The following MLEC variants were observed in gnomAD, a reference collection of about 807,000 sequenced individuals.
MLEC encodes the protein oligosaccharyltransferase complex subunit (non-catalytic).
MLEC carries 7 observed loss-of-function variants against 28.7 expected under a neutral mutation model. The observed-to-expected ratio is 0.24, with a 90% CI of 0.14 to 0.46. The LOEUF (loss-of-function observed/expected upper bound fraction) is 0.46, where lower values mean the gene tolerates loss of function less well. Ranked by LOEUF, MLEC falls within the 20% of genes least tolerant of loss-of-function variation. MLEC has a pLI of 0.99. For synonymous variants in MLEC, 142 were observed against 164.4 expected (o/e 0.86, Z 1.04); for missense variants, 237 against 391.1 (o/e 0.61, Z 3.32).
At position 120,695,129 on chromosome 12, in the gene MLEC, A is replaced by G. The variant is rs1467324732; in HGVS notation, c.626A>G (p.Tyr209Cys). 2.5e-6 allele frequency: 4 copies of G among 1,614,050 alleles called. No individual in the cohort carries two copies. In the Admixed American group the frequency reaches 6.7e-5, roughly 27 times the overall value. ...GACAATCCCAAGGTCTGTGCACTCT[A>G]CATCATGGCTGGGACAGTGGATGGT... ...YYDNPKVCAL[Y>C]IMAGTVDDVP... The change falls in exon 4 of 5, where the codon TAC becomes TGC. Residue 209 changes from tyrosine (Y) to cysteine (C), a missense_variant. Coordinates refer to ENST00000228506, the MANE Select transcript of MLEC (RefSeq NM_014730.4).
At chr12:120,693,576 G>A (rs76982172) in intron 1 of MLEC, among the ~76,000 whole-genome samples, 3,826 of 152,266 alleles carry the variant, frequency 0.025, 161 homozygotes, top group African/African-American at 0.087. Context: ...AATTTTATTC[G>A]TAAGGACAAT....
In MLEC at chr12:120,696,816, C is replaced by T. The variant is rs1179856596; in HGVS notation, c.*271C>T. 2.1e-6 allele frequency: 1 copy of T among 480,952 alleles called. No homozygotes were observed. Among genetic ancestry groups the T allele is most frequent in the African/African-American group, 2.0e-5 (1 of 51,238 alleles). 29.8% of individuals were successfully genotyped at this position (480,952 alleles called of 1,614,324 possible). A position where few individuals can be genotyped will look rare whatever the true frequency, so the allele number is the denominator to read the frequency against. On this transcript the variant is annotated 3_prime_UTR_variant, in exon 5 of 5. Transcript: ENST00000228506. The surrounding 1 kb of genome is among the most constrained non-coding windows in gnomAD (Gnocchi z 5.4). Reference sequence around the variant, plus strand: ...GAGGATACTTAGGGTAAACTGGATCCTTCCTGCTCAAGGATCCTCATTTGT... The same window carrying T: ...GAGGATACTTAGGGTAAACTGGATCTTTCCTGCTCAAGGATCCTCATTTGT...
rs1480745269 is a variant in MLEC at position 120,701,586 on chromosome 12, C to G, written c.*5041C>G. Reference sequence around the variant, plus strand: ...GTTCTTAGCCCTTGTAGCTTCTACCCTAGTTTCCCATCCTCTCTCTGTGGA... The same window carrying G: ...GTTCTTAGCCCTTGTAGCTTCTACCGTAGTTTCCCATCCTCTCTCTGTGGA... On this transcript the variant is annotated 3_prime_UTR_variant, in exon 5 of 5. Transcript: ENST00000228506. This position sits in a 1 kb window ranked among gnomAD's most constrained non-coding sequence, Gnocchi z 4.0. 1 of 152,660 alleles carries G rather than the reference C, an allele frequency of 6.6e-6. No homozygotes were observed. The highest frequency in any genetic ancestry group is 2.4e-5 in the African/African-American group (1 of 41,440). 9.5% of individuals were successfully genotyped at this position (152,660 alleles called of 1,614,324 possible). A position where few individuals can be genotyped will look rare whatever the true frequency, so the allele number is the denominator to read the frequency against.
In MLEC at chr12:120,694,002, C is replaced by T. The variant is rs1882130085; in HGVS notation, c.236-89C>T. ...TTTATGGAGAGGGTTATTAGCATTGCCCTGGAAATGCCTCTGGCTGTTCTG... is the reference window on the plus strand; with the variant it reads ...TTTATGGAGAGGGTTATTAGCATTGTCCTGGAAATGCCTCTGGCTGTTCTG... On this transcript the variant is annotated intron_variant, in intron 1 of 4. Coordinates refer to ENST00000228506, the MANE Select transcript of MLEC (RefSeq NM_014730.4). This position sits in a 1 kb window ranked among gnomAD's most constrained non-coding sequence, Gnocchi z 4.5. 2 of 1,273,714 alleles carry T rather than the reference C, an allele frequency of 1.6e-6. No individual in the cohort carries two copies. Among genetic ancestry groups the T allele is most frequent in the African/African-American group, 1.5e-5 (1 of 65,934 alleles). 78.9% of individuals were successfully genotyped at this position (1,273,714 alleles called of 1,614,324 possible).
Position 120,694,279 on chromosome 12 carries a change from A to G in MLEC, c.414+10A>G. On this transcript the variant is annotated intron_variant, in intron 2 of 4. Transcript: ENST00000228506. This position sits in a 1 kb window ranked among gnomAD's most constrained non-coding sequence, Gnocchi z 4.5. ...ACAGTCCCAGCAAAAGGTGAGGCCT[A>G]GTCAGGCTGCTGCTTGACCAGTAGG... is the stretch of plus-strand genomic sequence containing the variant. 9 of 1,612,650 alleles carry G rather than the reference A, an allele frequency of 5.6e-6. No individual in the cohort carries two copies. The highest frequency in any genetic ancestry group is 7.6e-6 in the Non-Finnish European group (9 of 1,179,360).
At position 120,687,306 on chromosome 12, in the gene MLEC, G is replaced by T; in HGVS notation, c.10G>T (p.Ala4Ser). MLG[A>S]WAVEGTAVAL... is the part of the protein sequence containing the mutation. ...CGTGGTGGTGGCCGCCATGCTGGGAGCCTGGGCGGTTGAGGGAACCGCTGT... is the reference window on the plus strand; with the variant it reads ...CGTGGTGGTGGCCGCCATGCTGGGATCCTGGGCGGTTGAGGGAACCGCTGT... The change falls in exon 1 of 5, where the codon GCC (alanine) becomes TCC (serine). Residue 4 changes from alanine (A) to serine (S), a missense_variant. By Grantham distance (99) the Ala-to-Ser change is moderately conservative. Transcript: ENST00000228506. This position sits in a 1 kb window ranked among gnomAD's most constrained non-coding sequence, Gnocchi z 8.1. 2 of 1,396,014 alleles carry T rather than the reference G, an allele frequency of 1.4e-6. No homozygotes were observed. Among genetic ancestry groups the T allele is most frequent in the African/African-American group, 1.5e-5 (1 of 65,374 alleles). 86.5% of individuals were successfully genotyped at this position (1,396,014 alleles called of 1,614,324 possible).
At chr12:120,688,662 C>T (rs996182008) in intron 1 of MLEC, among the ~76,000 whole-genome samples, 1 of 152,236 alleles carries the variant, frequency 6.6e-6, no homozygotes, top group African/African-American at 2.4e-5. Context: ...CCAGATTTGG[C>T]TCTTGCTTTT....
chr12:120,692,538 C>T (rs1882079839), intron 1 of MLEC, among the ~76,000 whole-genome samples: 1 of 152,046 alleles, frequency 6.6e-6, no homozygotes, highest in Admixed American at 6.6e-5. Context: ...ATGTCACTTA[C>T]AGGAACTGTT....
Position 120,695,141 on chromosome 12 carries a change from G to C in MLEC, c.638G>C (p.Gly213Ala). 1.2e-6 allele frequency: 2 copies of C among 1,614,178 alleles called. No individual in the cohort carries two copies. The highest frequency in any genetic ancestry group is 1.7e-6 in the Non-Finnish European group (2 of 1,180,028). The stretch of plus-strand genomic sequence containing the variant: ...GTCTGTGCACTCTACATCATGGCTG[G>C]GACAGTGGATGGTAGGTTGTGTTCT... ...PKVCALYIMAGTVDDVPKLQP... is the reference protein window; with the variant it reads ...PKVCALYIMAATVDDVPKLQP... Residue 213 changes from glycine (G) to alanine (A), a missense_variant, in exon 4 of 5, where the codon GGG becomes GCG. Coordinates refer to ENST00000228506, the MANE Select transcript of MLEC (RefSeq NM_014730.4).
At chr12:120,695,184 T>C in intron 4 of MLEC, 32 bp downstream of exon 4, 1 of 1,612,916 alleles carries the variant, frequency 6.2e-7, no homozygotes, top group Non-Finnish European at 8.5e-7. Context: ...TTTTTTGACT[T>C]GAGTGGAGGG....
rs903266449 is a variant in MLEC, at chr12:120,698,175, C to G, written c.*1630C>G. The G allele has an allele frequency of 1.3e-5, 2 of 152,092 alleles. No homozygotes were observed. The highest frequency in any genetic ancestry group is 4.8e-5 in the African/African-American group (2 of 41,396). 9.4% of individuals were successfully genotyped at this position (152,092 alleles called of 1,614,324 possible). The stretch of plus-strand genomic sequence containing the variant: ...TCAATATAGGATCTCAGGCCAGGCC[C>G]GCTTTTCTAGAATGTGTTTAATTTT... On this transcript the variant is annotated 3_prime_UTR_variant, in exon 5 of 5. Coordinates refer to ENST00000228506, the MANE Select transcript of MLEC (RefSeq NM_014730.4).
chr12:120,689,083 T>C (rs1399281760), intron 1 of MLEC, among the ~76,000 whole-genome samples: 1 of 152,224 alleles, frequency 6.6e-6, no homozygotes, highest in Non-Finnish European at 1.5e-5. Flanking sequence ...AGGCCTTACA[T>C]TGGTTACATC....
In MLEC at chr12:120,694,832, T is replaced by G. The variant is rs199758289; in HGVS notation, c.423T>G (p.Asp141Glu). 1 of 1,611,998 alleles carries G rather than the reference T, an allele frequency of 6.2e-7. No individual in the cohort carries two copies. Residue 141 changes from aspartate (D) to glutamate (E), a missense_variant, in exon 3 of 5, where the codon GAT becomes GAG. Physicochemically the swap from Asp to Glu is conservative, Grantham distance 45. Transcript: ENST00000228506. The surrounding 1 kb of genome is among the most constrained non-coding windows in gnomAD (Gnocchi z 4.5). ...TTTTCTTATCCTGGAAGGTATTTGATGTACGATTGAATGGCCACGTCGTGG... is the reference window on the plus strand; with the variant it reads ...TTTTCTTATCCTGGAAGGTATTTGAGGTACGATTGAATGGCCACGTCGTGG... ...YFAQSQQKVF[D>E]VRLNGHVVVK... is the part of the protein sequence containing the mutation.
chr12:120,691,499 A>T (rs1882036408), intron 1 of MLEC, among the ~76,000 whole-genome samples: 1 of 152,282 alleles, frequency 6.6e-6, no homozygotes, highest in Non-Finnish European at 1.5e-5. Flanking sequence ...GAAAGAGCAG[A>T]CATAATGTAG....
rs559874587 is a variant in MLEC, at chr12:120,692,936, T to C, written c.236-1155T>C. 3.9e-5 allele frequency among the ~76,000 whole-genome samples: 6 copies of C among 152,240 alleles called. No homozygotes were observed. In the South Asian group the frequency reaches 1.2e-3, roughly 32 times the overall value. ...ATATCTTATATTTGCACAAAAAAGA[T>C]TCGGCCTGGCGCGGTGGCTCACGCC... On this transcript the variant is annotated intron_variant, in intron 1 of 4. Coordinates refer to ENST00000228506, the MANE Select transcript of MLEC (RefSeq NM_014730.4).
chr12:120,694,078 CT>C lies in MLEC; in HGVS notation c.236-9del, dbSNP rs1482974407. 6.2e-7 allele frequency: 1 copy of C among 1,609,680 alleles called. No homozygotes were observed. The highest frequency in any genetic ancestry group is 1.3e-5 in the African/African-American group (1 of 74,874). ...TGCCTCTGATGTGCTTTCTCTTTGTCTTTTGTCCTCAGCCTCAGACTATGGC... is the reference window on the plus strand; with the variant it reads ...TGCCTCTGATGTGCTTTCTCTTTGTCTTTGTCCTCAGCCTCAGACTATGGC... On this transcript the variant is annotated splice_polypyrimidine_tract_variant and intron_variant, in intron 1 of 4. Coordinates refer to ENST00000228506, the MANE Select transcript of MLEC (RefSeq NM_014730.4). The surrounding 1 kb of genome is among the most constrained non-coding windows in gnomAD (Gnocchi z 4.5).
In MLEC at chr12:120,687,151, G is replaced by T. The variant is rs2137409515; in HGVS notation, c.-146G>T. 1 of 877,506 alleles carries T rather than the reference G, an allele frequency of 1.1e-6. No individual in the cohort carries two copies. 54.4% of individuals were successfully genotyped at this position (877,506 alleles called of 1,614,324 possible). On this transcript the variant is annotated 5_prime_UTR_variant, in exon 1 of 5. Transcript: ENST00000228506. The surrounding 1 kb of genome is among the most constrained non-coding windows in gnomAD (Gnocchi z 8.1). ...TCCTGAGGTGGGAGGCGGTACCCGT[G>T]GCTGAGAAGAAGGAGGCCTGAGAGC...
In MLEC at chr12:120,696,531, C is replaced by G. The variant is rs1381495769; in HGVS notation, c.865C>G (p.Leu289Val). 8 of 1,614,074 alleles carry G rather than the reference C, an allele frequency of 5.0e-6. No individual in the cohort carries two copies. The highest frequency in any genetic ancestry group is 5.9e-6 in the Non-Finnish European group (7 of 1,180,050). The change falls in exon 5 of 5, where the codon CTC becomes GTC. Residue 289 changes from leucine (L) to valine (V), a missense_variant. Leu to Val is a conservative substitution (Grantham distance 32). Coordinates refer to ENST00000228506, the MANE Select transcript of MLEC (RefSeq NM_014730.4). This position sits in a 1 kb window ranked among gnomAD's most constrained non-coding sequence, Gnocchi z 5.4. The stretch of plus-strand genomic sequence containing the variant: ...AGTCTTCATTCCAACCCTCTTCTGC[C>G]TCTGCCGGTTGTGAGAACAAATGAC... Reference protein sequence around the residue: ...FGVFIPTLFCLCRL With the variant: ...FGVFIPTLFCVCRL
intron 1 of MLEC, among the ~76,000 whole-genome samples, chr12:120,693,513 T>A (rs1177584842): frequency 6.6e-6 from 1 of 152,224 alleles, no homozygotes; most frequent in East Asian, 1.9e-4. Flanking sequence ...GTTTACAGCT[T>A]TGGAACTTTT....
Sources: gnomAD v4.1 joint callset for allele counts (sites outside exome capture counted in the v4.1 genomes callset) on GRCh38, gnomAD v4.1.1 for gene constraint, Gnocchi (gnomAD v3.1) non-coding constraint, MANE v1.5 for transcripts, NCBI Gene and HGNC (gene_info 2026-07-23, HGNC 2026-07-21) for gene names.